The following PARVA variants were observed in gnomAD, a reference collection of about 807,000 sequenced individuals.
PARVA encodes alpha-parvin.
In PARVA, 25 loss-of-function variants were observed where a neutral mutation model predicts 52.6. That is an observed-to-expected ratio of 0.48 (90% CI 0.35 to 0.66). The LOEUF (loss-of-function observed/expected upper bound fraction) is 0.66. Ranked by LOEUF, PARVA falls within the 30% of genes least tolerant of loss-of-function variation. PARVA has a pLI of 0.01. For synonymous variants in PARVA, 185 were observed against 179.1 expected, an observed-to-expected ratio of 1.03 and a Z score of -0.26; for missense variants, 373 against 450.9, an observed-to-expected ratio of 0.83 and a Z score of 1.56.
At position 12,496,555 on chromosome 11, in the gene PARVA, A is replaced by C. The variant is rs878967278; in HGVS notation, c.498A>C (p.Glu166Asp). The C allele has an allele frequency of 6.2e-7, 1 of 1,612,054 alleles. No homozygotes were observed. The highest frequency in any genetic ancestry group is 8.5e-7 in the Non-Finnish European group (1 of 1,179,316). Residue 166 changes from glutamate to aspartate, a missense_variant, in exon 5 of 13, where the codon GAA becomes GAC. Transcript: ENST00000334956. ...KLQTVLEKINETLKLPPRSIK... is the reference protein window; with the variant it reads ...KLQTVLEKINDTLKLPPRSIK... ...AGACTGTCCTGGAGAAGATCAATGA[A>C]ACCCTGAAACTTCCTCCCAGGAGCA... is the stretch of plus-strand genomic sequence containing the variant.
chr11:12,447,995 G>T (rs1010456190), intron 1 of PARVA, among the ~76,000 whole-genome samples: 5 of 152,118 alleles, frequency 3.3e-5, no homozygotes, highest in African/African-American at 1.2e-4. Flanking sequence ...TCAATGTCTG[G>T]TACAAAATAA....
intron 12 of PARVA, among the ~76,000 whole-genome samples, chr11:12,524,240 A>G (rs931377679): frequency 6.6e-6 from 1 of 152,222 alleles, no homozygotes; most frequent in African/African-American, 2.4e-5. Flanking sequence ...GACCCTTAAT[A>G]TATTCTGGGT....
intron 1 of PARVA, among the ~76,000 whole-genome samples, chr11:12,430,423 C>T (rs1940300499): frequency 1.3e-5 from 2 of 152,186 alleles, no homozygotes; most frequent in Non-Finnish European, 2.9e-5. Context: ...ACCCATTGCC[C>T]TCTTTCCTAA....
chr11:12,511,837 C>T (rs1353787164), intron 8 of PARVA, among the ~76,000 whole-genome samples: 1 of 152,212 alleles, frequency 6.6e-6, no homozygotes, highest in Non-Finnish European at 1.5e-5. Flanking sequence ...TGGGACCCCA[C>T]AGCCCAAGGG....
chr11:12,419,426 G>C (rs1157012002), intron 1 of PARVA, among the ~76,000 whole-genome samples: 1 of 150,954 alleles, frequency 6.6e-6, no homozygotes, highest in Non-Finnish European at 1.5e-5. Context: ...AGCTATATCT[G>C]TGTTGTAGCA....
intron 7 of PARVA, among the ~76,000 whole-genome samples, chr11:12,510,128 A>G (rs7107848): frequency 0.19 from 29,402 of 152,066 alleles, 3,535 homozygotes; most frequent in African/African-American, 0.34. Flanking sequence ...CTATCTATTG[A>G]TATTGATAGT....
At chr11:12,458,130 C>T (rs935788506) in intron 1 of PARVA, among the ~76,000 whole-genome samples, 1 of 152,232 alleles carries the variant, frequency 6.6e-6, no homozygotes, top group Non-Finnish European at 1.5e-5. Flanking sequence ...ATGAAGGGGT[C>T]ACTGGCTTTC....
At chr11:12,400,756 G>A (rs7106710) in intron 1 of PARVA, among the ~76,000 whole-genome samples, 16,586 of 152,136 alleles carry the variant, frequency 0.11, 1,278 homozygotes, top group African/African-American at 0.21. Flanking sequence ...TTTGCATCCA[G>A]TGGAATTTCT....
At chr11:12,460,955 G>A (rs781612700) in intron 1 of PARVA, among the ~76,000 whole-genome samples, 14 of 152,282 alleles carry the variant, frequency 9.2e-5, no homozygotes, top group Admixed American at 2.0e-4. Flanking sequence ...AGAGTACGCT[G>A]CTCTCAGGAC....
chr11:12,511,826 C>T (rs1376634094), intron 8 of PARVA, among the ~76,000 whole-genome samples: 1 of 152,190 alleles, frequency 6.6e-6, no homozygotes, highest in African/African-American at 2.4e-5. Context: ...ATTACACCCC[C>T]TGGGACCCCA....
chr11:12,461,724 G>T (rs1940784097), intron 1 of PARVA, among the ~76,000 whole-genome samples: 1 of 152,194 alleles, frequency 6.6e-6, no homozygotes, highest in South Asian at 2.1e-4. Flanking sequence ...GGGGCCATTT[G>T]CTTGGCAGAC....
rs571973101 is a variant in PARVA at position 12,406,661 on chromosome 11, G to GTTTTTTTTTTTTTTTTTTT, written c.136+28887_136+28905dup. Among the ~76,000 whole-genome samples the GTTTTTTTTTTTTTTTTTTT allele has an allele frequency of 6.8e-4, 53 of 77,792 alleles. 6 individuals carry two copies. The highest frequency in any genetic ancestry group is 9.1e-4 in the Non-Finnish European group (36 of 39,698). The allele number at this position is 77,792 out of a possible 152,430, so 51.0% of individuals were successfully genotyped here. On this transcript the variant is annotated intron_variant, in intron 1 of 12. Transcript: ENST00000334956. ...ATTGTTAGCTATTTAGGTTGTATCTGTTTTTTTTTTTTTTTTTTTTTTTTT... is the reference window on the plus strand; with the variant it reads ...ATTGTTAGCTATTTAGGTTGTATCTGTTTTTTTTTTTTTTTTTTTTTTTTTTTTTTTTTTTTTTTTTTTT...
intron 1 of PARVA, among the ~76,000 whole-genome samples, chr11:12,429,930 A>T (rs536279945): frequency 1.3e-5 from 2 of 152,222 alleles, no homozygotes; most frequent in Non-Finnish European, 2.9e-5. Context: ...ATCGTATAAC[A>T]GTTTTAAATA....
chr11:12,465,312 C>T (rs1940840687), intron 1 of PARVA, among the ~76,000 whole-genome samples: 2 of 152,190 alleles, frequency 1.3e-5, no homozygotes, highest in Non-Finnish European at 2.9e-5. Flanking sequence ...AGAGTCCCCA[C>T]CAGCACAAAG....
At chr11:12,388,773 T>C (rs1939616544) in intron 1 of PARVA, among the ~76,000 whole-genome samples, 1 of 152,100 alleles carries the variant, frequency 6.6e-6, no homozygotes, top group African/African-American at 2.4e-5. Context: ...TATTATAATG[T>C]AAATATTTTT....
intron 4 of PARVA, among the ~76,000 whole-genome samples, chr11:12,486,032 G>T (rs1466068227): frequency 6.6e-6 from 1 of 152,120 alleles, no homozygotes; most frequent in Non-Finnish European, 1.5e-5. Flanking sequence ...CAGAAAAAGG[G>T]CATTAGAAAA....
intron 1 of PARVA, among the ~76,000 whole-genome samples, chr11:12,440,597 G>T (rs1564847437): frequency 6.6e-6 from 1 of 152,252 alleles, no homozygotes; most frequent in Non-Finnish European, 1.5e-5. Flanking sequence ...CTGACGTCAA[G>T]TTGTTGGCTG....
chr11:12,496,332 A>T, intron 4 of PARVA, 126 bp from the exon 5 acceptor site: 5 of 400,314 alleles, frequency 1.2e-5, no homozygotes, highest in Non-Finnish European at 1.9e-5. Context: ...GGCATCCAGT[A>T]TCTATTGTTG....
intron 1 of PARVA, among the ~76,000 whole-genome samples, chr11:12,386,465 G>A (rs1456701815): frequency 6.6e-6 from 1 of 152,176 alleles, no homozygotes; most frequent in Non-Finnish European, 1.5e-5. Flanking sequence ...CCCACAGGAA[G>A]AGTGAGATGC....
Sources: gnomAD v4.1 joint callset for allele counts (sites outside exome capture counted in the v4.1 genomes callset) on GRCh38, gnomAD v4.1.1 for gene constraint, MANE v1.5 for transcripts, NCBI Gene and HGNC (gene_info 2026-07-23, HGNC 2026-07-21) for gene names.